Variants in GRID2 observed in about 807,000 individuals in gnomAD.
GRID2 encodes the protein glutamate receptor ionotropic, delta-2.
GRID2 carries 33 observed loss-of-function variants against 114.8 expected under a neutral mutation model. That is an observed-to-expected ratio of 0.29 (90% confidence interval 0.22 to 0.38). The LOEUF is 0.38. GRID2 is among the 10% of genes least tolerant of loss of function. The pLI is 1.00. For synonymous variants in GRID2, 505 were observed against 449.9 expected (o/e 1.12, Z -1.55); for missense variants, 1,184 against 1,257.7 (o/e 0.94, Z 0.89).
intron 2 of GRID2, among the ~76,000 whole-genome samples, chr4:93,014,189 G>A (rs993040219): frequency 1.3e-5 from 2 of 151,998 alleles, no homozygotes; most frequent in African/African-American, 2.4e-5. Flanking sequence ...CACAGACTTG[G>A]TGGCTTATAA....
intron 2 of GRID2, among the ~76,000 whole-genome samples, chr4:92,769,597 A>C (rs962804723): frequency 6.6e-6 from 1 of 152,104 alleles, no homozygotes; most frequent in African/African-American, 2.4e-5. Flanking sequence ...AGGCATTTCC[A>C]TACATCCTCT....
intron 1 of GRID2, among the ~76,000 whole-genome samples, chr4:92,369,182 G>C (rs1178841716): frequency 6.6e-6 from 1 of 151,730 alleles, no homozygotes; most frequent in Non-Finnish European, 1.5e-5. Context: ...TTTTTCCTAG[G>C]TGCCAAGTTA....
intron 14 of GRID2, among the ~76,000 whole-genome samples, chr4:93,675,853 G>A (rs1435476021): frequency 6.6e-6 from 1 of 152,132 alleles, no homozygotes; most frequent in Non-Finnish European, 1.5e-5. Flanking sequence ...ATAGTGTAAG[G>A]AATAATAATG....
intron 1 of GRID2, among the ~76,000 whole-genome samples, chr4:92,502,372 A>T (rs1410845874): frequency 1.3e-5 from 2 of 152,088 alleles, no homozygotes; most frequent in Non-Finnish European, 2.9e-5. Flanking sequence ...TTTCTTGAGA[A>T]CTGCAGATGA....
At chr4:93,242,230 G>C (rs767844028) in intron 8 of GRID2, among the ~76,000 whole-genome samples, 5 of 151,928 alleles carry the variant, frequency 3.3e-5, no homozygotes, top group African/African-American at 7.2e-5. Flanking sequence ...TAATGAGACT[G>C]GAGGTTTAAC....
chr4:92,409,913 A>G (rs1198657273), intron 1 of GRID2, among the ~76,000 whole-genome samples: 1 of 152,090 alleles, frequency 6.6e-6, no homozygotes, highest in Non-Finnish European at 1.5e-5. Context: ...AGGATATTGC[A>G]CTGGCTTTTC....
intron 8 of GRID2, among the ~76,000 whole-genome samples, chr4:93,381,608 A>G (rs1763861129): frequency 6.6e-6 from 1 of 152,122 alleles, no homozygotes; most frequent in Admixed American, 6.6e-5. Context: ...TCCTACAGTT[A>G]TAACACTCTT....
At chr4:92,754,541 C>T (rs1010572808) in intron 2 of GRID2, among the ~76,000 whole-genome samples, 9 of 152,050 alleles carry the variant, frequency 5.9e-5, no homozygotes, top group East Asian at 1.9e-4. Context: ...ATCATGATAC[C>T]GATCTCACCG....
At chr4:92,391,232 C>T (rs1308873315) in intron 1 of GRID2, among the ~76,000 whole-genome samples, 2 of 152,086 alleles carry the variant, frequency 1.3e-5, no homozygotes, top group East Asian at 3.9e-4. Flanking sequence ...AAATTGTCAT[C>T]AGACTGTTTC....
At chr4:93,276,220 A>G (rs1372645337) in intron 8 of GRID2, among the ~76,000 whole-genome samples, 1 of 151,976 alleles carries the variant, frequency 6.6e-6, no homozygotes, top group Non-Finnish European at 1.5e-5. Context: ...TTCTTTCCCT[A>G]TGGAATGGTC....
chr4:93,180,959 A>G (rs967569086), intron 4 of GRID2, among the ~76,000 whole-genome samples: 2 of 152,162 alleles, frequency 1.3e-5, no homozygotes, highest in East Asian at 1.9e-4. Context: ...TGATATTTTG[A>G]CATGCTCTCA....
chr4:93,057,000 A>G (rs142945281), intron 2 of GRID2, among the ~76,000 whole-genome samples: 15 of 152,106 alleles, frequency 9.9e-5, no homozygotes, highest in Non-Finnish European at 1.6e-4. Flanking sequence ...CCGAAGTAAA[A>G]ATGTTTTTCA....
intron 8 of GRID2, among the ~76,000 whole-genome samples, chr4:93,286,736 T>C (rs1184216073): frequency 7.0e-6 from 1 of 143,706 alleles, no homozygotes; most frequent in Non-Finnish European, 1.5e-5. Flanking sequence ...CCCACATTAG[T>C]TGTGGAATTT....
At chr4:92,765,759 G>A (rs1384022912) in intron 2 of GRID2, among the ~76,000 whole-genome samples, 4 of 152,130 alleles carry the variant, frequency 2.6e-5, no homozygotes, top group Non-Finnish European at 5.9e-5. Flanking sequence ...AAAGTCTGGT[G>A]GTGCCCTCAC....
chr4:92,982,077 A>G (rs1380051397), intron 2 of GRID2, among the ~76,000 whole-genome samples: 1 of 151,174 alleles, frequency 6.6e-6, no homozygotes, highest in African/African-American at 2.4e-5. Context: ...TGACTCAGGA[A>G]TCAACACCTA....
intron 3 of GRID2, among the ~76,000 whole-genome samples, chr4:93,110,515 T>G (rs990297907): frequency 9.2e-5 from 14 of 152,142 alleles, no homozygotes; most frequent in Admixed American, 6.5e-5. Context: ...TTAGGTTCCA[T>G]GTAGATAGAA....
At chr4:93,275,893 A>G (rs1402032230) in intron 8 of GRID2, among the ~76,000 whole-genome samples, 1 of 151,844 alleles carries the variant, frequency 6.6e-6, no homozygotes, top group Non-Finnish European at 1.5e-5. Flanking sequence ...TGATTTGCAA[A>G]TATTTTCTGC....
chr4:93,650,728 G>A (rs1190768714), intron 14 of GRID2, among the ~76,000 whole-genome samples: 1 of 152,066 alleles, frequency 6.6e-6, no homozygotes, highest in African/African-American at 2.4e-5. Context: ...GAACTCTTTT[G>A]ACCTTCAGTG....
intron 13 of GRID2, among the ~76,000 whole-genome samples, chr4:93,560,901 A>G (rs905373612): frequency 2.7e-5 from 4 of 148,898 alleles, no homozygotes; most frequent in Non-Finnish European, 5.9e-5. Context: ...GTATTTTAGC[A>G]ATAAATATTT....
Sources: gnomAD v4.1 joint callset for allele counts (sites outside exome capture counted in the v4.1 genomes callset) on GRCh38, gnomAD v4.1.1 for gene constraint, MANE v1.5 for transcripts, NCBI Gene and HGNC (gene_info 2026-07-23, HGNC 2026-07-21) for gene names.